The following THSD7A variants were observed in gnomAD, a reference collection of about 807,000 sequenced individuals.
The protein encoded by THSD7A is thrombospondin type 1 domain containing 7A.
In THSD7A, 96 loss-of-function variants were observed where a neutral mutation model predicts 231.3. The observed-to-expected ratio is 0.41, with a 90% CI of 0.35 to 0.49. The LOEUF (loss-of-function observed/expected upper bound fraction) is 0.49. THSD7A is among the 20% of genes least tolerant of loss of function. THSD7A has a pLI of 0.05. For synonymous variants in THSD7A, 940 were observed against 743.3 expected, an observed-to-expected ratio of 1.26 and a Z score of -4.30; for missense variants, 2,290 against 2,070.2, an observed-to-expected ratio of 1.11 and a Z score of -2.06.
At chr7:11,710,453 T>C (rs1202329870) in intron 1 of THSD7A, among the ~76,000 whole-genome samples, 1 of 150,830 alleles carries the variant, frequency 6.6e-6, no homozygotes, top group Non-Finnish European at 1.5e-5. Flanking sequence ...CAAGAGATAA[T>C]ATAAATCTTC....
At chr7:11,722,689 G>T (rs1275066055) in intron 1 of THSD7A, among the ~76,000 whole-genome samples, 1 of 151,910 alleles carries the variant, frequency 6.6e-6, no homozygotes, top group African/African-American at 2.4e-5. Flanking sequence ...AACTTCTCAA[G>T]AGAAGACATT....
chr7:11,788,550 C>A (rs997557163), intron 1 of THSD7A, among the ~76,000 whole-genome samples: 2 of 151,976 alleles, frequency 1.3e-5, no homozygotes, highest in African/African-American at 4.8e-5. Flanking sequence ...TTATTCAGGA[C>A]CGAGAGTATC....
At chr7:11,724,483 T>C (rs1781476870) in intron 1 of THSD7A, among the ~76,000 whole-genome samples, 1 of 151,898 alleles carries the variant, frequency 6.6e-6, no homozygotes, top group South Asian at 2.1e-4. Flanking sequence ...AATGTTACTG[T>C]GGATCAAGAC....
At chr7:11,498,429 G>A (rs189924623) in intron 6 of THSD7A, among the ~76,000 whole-genome samples, 242 of 151,858 alleles carry the variant, frequency 1.6e-3, no homozygotes, top group Non-Finnish European at 3.0e-3. Flanking sequence ...CCTCCCAACT[G>A]GGACCTCCAG....
intron 13 of THSD7A, among the ~76,000 whole-genome samples, chr7:11,434,539 G>T (rs1162140227): frequency 1.3e-5 from 2 of 152,064 alleles, no homozygotes; most frequent in African/African-American, 2.4e-5. Context: ...ATGGATCAAA[G>T]AATTCATTTT....
Position 11,479,041 on chromosome 7 carries a change from C to T in THSD7A, c.2017+2747G>A, listed in dbSNP as rs563317530. On this transcript the variant is annotated intron_variant, in intron 7 of 27. Transcript: ENST00000423059. ...CTCCAAGTATTTTCTTCCTCTGGCA[C>T]ATGAAGATTGTGGAACCAGGTCTTC... is the stretch of plus-strand genomic sequence containing the variant. 2.6e-5 allele frequency among the ~76,000 whole-genome samples: 4 copies of T among 152,274 alleles called. No individual in the cohort carries two copies. In the South Asian group the frequency reaches 8.3e-4, roughly 32 times the overall value.
chr7:11,563,120 C>A (rs961941047), intron 4 of THSD7A, among the ~76,000 whole-genome samples: 1 of 152,114 alleles, frequency 6.6e-6, no homozygotes, highest in African/African-American at 2.4e-5. Flanking sequence ...CTGTACTAAA[C>A]TTGAATCATA....
intron 1 of THSD7A, among the ~76,000 whole-genome samples, chr7:11,694,730 C>T (rs1316957306): frequency 6.6e-6 from 1 of 150,920 alleles, no homozygotes; most frequent in Non-Finnish European, 1.5e-5. Context: ...AGCCATGATA[C>T]TTGAATTAAA....
At position 11,406,313 on chromosome 7, in the gene THSD7A, G is replaced by T. The variant is rs778204237; in HGVS notation, c.4224C>A (p.Ser1408Arg). Residue 1408 changes from serine to arginine, a missense_variant, in exon 22 of 28, where the codon AGC becomes AGA. Coordinates refer to ENST00000423059, the MANE Select transcript of THSD7A (RefSeq NM_015204.3). The surrounding 1 kb of genome is among the most constrained non-coding windows in gnomAD (Gnocchi z 4.7). ...NKNMVLEESC[S>R]QPCPGDCYLK... The stretch of plus-strand genomic sequence containing the variant: ...TGCCGTTGTTACCTGGGCAAGGCTG[G>T]CTGCAGGATTCCTCCAGAACCATAT... The T allele has an allele frequency of 1.9e-6, 3 of 1,608,656 alleles. No homozygotes were observed. In the East Asian group the frequency reaches 6.7e-5, roughly 36 times the overall value.
chr7:11,605,694 T>G (rs1454774069), intron 2 of THSD7A, among the ~76,000 whole-genome samples: 3 of 152,134 alleles, frequency 2.0e-5, no homozygotes, highest in Non-Finnish European at 2.9e-5. Flanking sequence ...CAGATAGAAT[T>G]TATTACCACA....
intron 1 of THSD7A, among the ~76,000 whole-genome samples, chr7:11,652,681 TTATAAA>T (rs1782548784): frequency 6.6e-6 from 1 of 152,002 alleles, no homozygotes; most frequent in Non-Finnish European, 1.5e-5. Flanking sequence ...TAAGTTGAAA[TTATAAA>T]TATACTTTTA....
At chr7:11,436,140 A>T (rs2128291915) in intron 13 of THSD7A, among the ~76,000 whole-genome samples, 1 of 152,198 alleles carries the variant, frequency 6.6e-6, no homozygotes, top group Non-Finnish European at 1.5e-5. Flanking sequence ...GATGTTGAAA[A>T]TCAGATGCAG....
intron 4 of THSD7A, among the ~76,000 whole-genome samples, chr7:11,567,108 C>T (rs1790375656): frequency 6.6e-6 from 1 of 151,990 alleles, no homozygotes; most frequent in Admixed American, 6.6e-5. Flanking sequence ...GCCCAATATC[C>T]CATGTATTAT....
chr7:11,397,097 A>G (rs1184573962), intron 23 of THSD7A, among the ~76,000 whole-genome samples: 1 of 152,072 alleles, frequency 6.6e-6, no homozygotes, highest in South Asian at 2.1e-4. Context: ...CATGCTAAAA[A>G]CTCTCAATAA....
chr7:11,805,620 T>G (rs1784379987), intron 1 of THSD7A, among the ~76,000 whole-genome samples: 1 of 152,108 alleles, frequency 6.6e-6, no homozygotes, highest in Non-Finnish European at 1.5e-5. Context: ...ATTGATAATT[T>G]TTATTCATTC....
At chr7:11,768,331 C>T (rs535928158) in intron 1 of THSD7A, among the ~76,000 whole-genome samples, 11 of 152,226 alleles carry the variant, frequency 7.2e-5, no homozygotes, top group African/African-American at 2.4e-4. Context: ...ATAAGTTCTC[C>T]GTGTTTCAAG....
chr7:11,679,432 T>C (rs1315531708), intron 1 of THSD7A, among the ~76,000 whole-genome samples: 2 of 152,174 alleles, frequency 1.3e-5, no homozygotes, highest in East Asian at 3.9e-4. Flanking sequence ...GATGACTTGA[T>C]TGGATATTTA....
chr7:11,388,048 A>G (rs569918635), intron 23 of THSD7A, among the ~76,000 whole-genome samples: 1 of 152,320 alleles, frequency 6.6e-6, no homozygotes, highest in South Asian at 2.1e-4. Context: ...CCAGGGATGA[A>G]GCCGACTTGA....
At chr7:11,430,324 A>C (rs1048386435) in intron 13 of THSD7A, among the ~76,000 whole-genome samples, 2 of 152,092 alleles carry the variant, frequency 1.3e-5, no homozygotes, top group Non-Finnish European at 2.9e-5. Context: ...TTTACTCCAA[A>C]AATAAACCCT....
Sources: allele counts gnomAD v4.1 joint callset (sites outside exome capture counted in the v4.1 genomes callset), GRCh38; gene constraint gnomAD v4.1.1; non-coding constraint Gnocchi (gnomAD v3.1); transcripts MANE v1.5; gene names NCBI Gene and HGNC (gene_info 2026-07-23, HGNC 2026-07-21).